Variants in ESR1 observed in about 807,000 individuals in gnomAD.
ESR1 encodes the protein estrogen receptor.
A neutral mutation model predicts 52.7 loss-of-function variants in ESR1; 12 were observed. That is an observed-to-expected ratio of 0.23 (90% CI 0.15 to 0.37). ESR1 has a LOEUF of 0.37. Ranked by LOEUF, ESR1 falls within the 10% of genes least tolerant of loss-of-function variation. The pLI, the probability that ESR1 is intolerant of heterozygous loss-of-function variation, is 1.00. For synonymous variants in ESR1, 305 were observed against 316.8 expected (o/e 0.96, Z 0.39); for missense variants, 584 against 779.7 (o/e 0.75, Z 2.99).
chr6:151,808,014 C>G lies in ESR1; in HGVS notation c.102C>G (p.Pro34=), dbSNP rs751886427. Residue 34 remains proline, a synonymous_variant, in exon 1 of 8, where the codon CCC becomes CCG. Coordinates refer to ENST00000206249, the MANE Select transcript of ESR1 (RefSeq NM_000125.4). ...EPLNRPQLKI[P]LERPLGEVYL... is the part of the protein sequence containing the mutation. Reference sequence around the variant, plus strand: ...TGAACCGTCCGCAGCTCAAGATCCCCCTGGAGCGGCCCCTGGGCGAGGTGT... The same window carrying G: ...TGAACCGTCCGCAGCTCAAGATCCCGCTGGAGCGGCCCCTGGGCGAGGTGT... 1 of 1,613,888 alleles carries G rather than the reference C, an allele frequency of 6.2e-7. No individual in the cohort carries two copies. Among genetic ancestry groups the G allele is most frequent in the Non-Finnish European group, 8.5e-7 (1 of 1,179,940 alleles).
chr6:151,763,726 G>A (rs1278742857), intron 2 of ESR1, among the ~76,000 whole-genome samples: 4 of 152,178 alleles, frequency 2.6e-5, no homozygotes, highest in Admixed American at 2.6e-4. Flanking sequence ...CAGAGCCCAG[G>A]TGCCTTTCTA....
chr6:151,796,980 G>T (rs914168662), intron 2 of ESR1, among the ~76,000 whole-genome samples: 4 of 152,204 alleles, frequency 2.6e-5, no homozygotes, highest in Non-Finnish European at 4.4e-5. Flanking sequence ...AAGCTCTCAA[G>T]AGTATACACA....
Position 152,101,186 on chromosome 6 carries a change from C to T in ESR1, c.*2220C>T, listed in dbSNP as rs1435614615. On this transcript the variant is annotated 3_prime_UTR_variant, in exon 8 of 8. Transcript: ENST00000206249. ...AGACAAAATAGCACTAATCCAGATGCCTATTGTTGGATACTGAATGACAGA... is the reference window on the plus strand; with the variant it reads ...AGACAAAATAGCACTAATCCAGATGTCTATTGTTGGATACTGAATGACAGA... 2 of 231,538 alleles carry T rather than the reference C, an allele frequency of 8.6e-6. No individual in the cohort carries two copies. The highest frequency in any genetic ancestry group is 1.7e-5 in the Non-Finnish European group (2 of 117,062). 14.3% of individuals were successfully genotyped at this position (231,538 alleles called of 1,614,324 possible).
At chr6:151,854,788 G>A (rs1056493019) in intron 2 of ESR1, among the ~76,000 whole-genome samples, 9 of 152,164 alleles carry the variant, frequency 5.9e-5, no homozygotes, top group African/African-American at 2.2e-4. Context: ...ATTAAGTGCT[G>A]TGCACAATAT....
chr6:151,703,825 A>C (rs564455186), intron 2 of ESR1, among the ~76,000 whole-genome samples: 1 of 152,192 alleles, frequency 6.6e-6, no homozygotes, highest in South Asian at 2.1e-4. Context: ...TGCTTTCCCC[A>C]CTTTGAAGTC....
chr6:151,911,921 A>G (rs946969796), intron 3 of ESR1, among the ~76,000 whole-genome samples: 4 of 152,188 alleles, frequency 2.6e-5, no homozygotes, highest in South Asian at 2.1e-4. Flanking sequence ...ATTGTTGCAC[A>G]TTAATCTACT....
At chr6:152,054,176 G>T (rs770635309) in intron 5 of ESR1, among the ~76,000 whole-genome samples, 1 of 151,808 alleles carries the variant, frequency 6.6e-6, no homozygotes, top group Non-Finnish European at 1.5e-5. Flanking sequence ...ACTTAGTCTC[G>T]TGAAATTTTA....
At chr6:151,994,056 A>G (rs556425136) in intron 4 of ESR1, among the ~76,000 whole-genome samples, 1 of 152,298 alleles carries the variant, frequency 6.6e-6, no homozygotes, top group South Asian at 2.1e-4. Flanking sequence ...CCTAGAAGGT[A>G]GTTACTAATA....
intron 2 of ESR1, among the ~76,000 whole-genome samples, chr6:151,788,575 C>T (rs555719821): frequency 6.6e-6 from 1 of 152,250 alleles, no homozygotes; most frequent in African/African-American, 2.4e-5. Flanking sequence ...ATACAACTAC[C>T]ATTCAACCTA....
At chr6:151,886,525 G>C (rs891471173) in intron 3 of ESR1, among the ~76,000 whole-genome samples, 1 of 152,104 alleles carries the variant, frequency 6.6e-6, no homozygotes, top group African/African-American at 2.4e-5. Context: ...TAATTTTAAA[G>C]TGAGAAAATA....
At chr6:152,112,760 G>A (rs1370183367) in intron 6 of ESR1, 1 of 152,216 alleles carries the variant, frequency 6.6e-6, no homozygotes, top group Non-Finnish European at 1.5e-5. Flanking sequence ...GCCCAACCAG[G>A]AAACGAACAA....
At chr6:151,939,078 C>T (rs1241095578) in intron 3 of ESR1, among the ~76,000 whole-genome samples, 1 of 152,170 alleles carries the variant, frequency 6.6e-6, no homozygotes, top group Non-Finnish European at 1.5e-5. Context: ...CACGACATCT[C>T]TATTGTGCTG....
chr6:152,096,018 G>T (rs536386617), intron 7 of ESR1, among the ~76,000 whole-genome samples: 1 of 152,342 alleles, frequency 6.6e-6, no homozygotes, highest in East Asian at 1.9e-4. Flanking sequence ...CTAGCCAAAA[G>T]CTTAGTGGAT....
rs1191913579 is a variant in ESR1, at chr6:151,685,134, T to C, written n.74-16741T>C. Among the ~76,000 whole-genome samples, 10 of 72,680 alleles carry C rather than the reference T, an allele frequency of 1.4e-4. 1 individual carries two copies. The highest frequency in any genetic ancestry group is 2.4e-4 in the Non-Finnish European group (8 of 33,060). The allele number at this position is 72,680 out of a possible 152,430, so 47.7% of individuals were successfully genotyped here. ...TTTTTTTTTTTTTTTTTTTTTTTTT[T>C]TTTTTTTTTTGAGACGGAGTCTCGC... On this transcript the variant is annotated intron_variant and non_coding_transcript_variant, in intron 1 of 2. Transcript: ENST00000473497.
upstream of ESR1, among the ~76,000 whole-genome samples, chr6:151,688,446 C>T (rs909852479): frequency 1.3e-5 from 2 of 152,114 alleles, no homozygotes; most frequent in African/African-American, 2.4e-5. Flanking sequence ...CCCACGGTTT[C>T]CTCAACTGCA....
chr6:151,771,481 C>T (rs1380244307), intron 2 of ESR1, among the ~76,000 whole-genome samples: 1 of 152,134 alleles, frequency 6.6e-6, no homozygotes. Flanking sequence ...GGCTGGCCGC[C>T]GGTGTTCATG....
chr6:152,084,678 A>G (rs1316693342), intron 6 of ESR1, among the ~76,000 whole-genome samples: 2 of 150,326 alleles, frequency 1.3e-5, no homozygotes, highest in Admixed American at 6.6e-5. Flanking sequence ...AACACATTTT[A>G]TTATAAGGTT....
At chr6:151,684,237 G>A (rs896756029) in intron 1 of ESR1, among the ~76,000 whole-genome samples, 1 of 152,100 alleles carries the variant, frequency 6.6e-6, no homozygotes, top group East Asian at 1.9e-4. Context: ...CACTGAGGAA[G>A]TGGTGGGATC....
rs58501088 is a variant in ESR1, at chr6:151,958,973, C to CGTGTGTGTGTGTGTGTGTGTGT, written c.1096+14486_1096+14487insTGTGTGTGTGTGTGTGTGTGTG. On this transcript the variant is annotated intron_variant, in intron 4 of 7. Coordinates refer to ENST00000206249, the MANE Select transcript of ESR1 (RefSeq NM_000125.4). ...CTTCCATTGGAAGAGAAAAAGTTTC[C>CGTGTGTGTGTGTGTGTGTGTGT]GTGTGTGTGTGTGTGTGTGTGCGTG... Among the ~76,000 whole-genome samples, 1,055 of 148,824 alleles carry CGTGTGTGTGTGTGTGTGTGTGT rather than the reference C, an allele frequency of 7.1e-3. 9 individuals carry two copies. Among genetic ancestry groups the CGTGTGTGTGTGTGTGTGTGTGT allele is most frequent in the African/African-American group, 0.018 (735 of 40,472 alleles).
Sources: gnomAD v4.1 joint callset for allele counts (sites outside exome capture counted in the v4.1 genomes callset) on GRCh38, gnomAD v4.1.1 for gene constraint, MANE v1.5 for transcripts, NCBI Gene and HGNC (gene_info 2026-07-23, HGNC 2026-07-21) for gene names.